GYPC: variants seen among roughly 807,000 people sequenced by gnomAD.
GYPC encodes the protein glycophorin-C.
GYPC carries 14 observed loss-of-function variants against 12.6 expected under a neutral mutation model. The ratio of observed to expected loss-of-function variants is 1.11; its 90% confidence interval spans 0.74 to 1.74. GYPC has a LOEUF of 1.74. Among genes scored for constraint, GYPC ranks in the 40% most tolerant of loss-of-function variants. GYPC has a pLI of 0.00. For synonymous variants in GYPC, 78 were observed against 62.1 expected, an observed-to-expected ratio of 1.26 and a Z score of -1.20; for missense variants, 225 against 172.1, an observed-to-expected ratio of 1.31 and a Z score of -1.72.
intron 1 of GYPC, chr2:126,680,479 C>T (rs1683123338): frequency 6.6e-6 from 1 of 152,172 alleles, no homozygotes; most frequent in South Asian, 2.1e-4. Context: ...CACTGGAGAC[C>T]CCTGAGAGGA....
intron 1 of GYPC, among the ~76,000 whole-genome samples, chr2:126,659,433 C>A (rs1438501739): frequency 6.6e-6 from 1 of 152,168 alleles, no homozygotes; most frequent in Non-Finnish European, 1.5e-5. Context: ...CCAATGTTCA[C>A]CAGCTTTGGG....
rs564854367 is a variant in GYPC, at chr2:126,659,406, C to T, written c.49+3094C>T. 1.1e-4 allele frequency among the ~76,000 whole-genome samples: 16 copies of T among 152,280 alleles called. No homozygotes were observed. In the South Asian group the frequency reaches 2.9e-3, roughly 28 times the overall value. ...CAACATCCGTGCTGTGGAGTCAGCC[C>T]TGGGTTTGACTGCCCTCCAATGTTC... On this transcript the variant is annotated intron_variant, in intron 1 of 3. Transcript: ENST00000259254.
intron 1 of GYPC, among the ~76,000 whole-genome samples, chr2:126,674,463 GA>G (rs11313735): frequency 0.76 from 114,922 of 151,780 alleles, 43,603 homozygotes; most frequent in African/African-American, 0.77. Flanking sequence ...AGTGGGGGGG[GA>G]ATACAGGCTC....
intron 2 of GYPC, among the ~76,000 whole-genome samples, chr2:126,692,547 G>A (rs375543437): frequency 6.6e-6 from 1 of 152,096 alleles, no homozygotes; most frequent in Non-Finnish European, 1.5e-5. Context: ...GGGAACGTGG[G>A]ATTTCCTATG....
intron 1 of GYPC, among the ~76,000 whole-genome samples, chr2:126,685,097 G>A (rs564566599): frequency 1.2e-4 from 18 of 152,276 alleles, no homozygotes; most frequent in African/African-American, 3.6e-4. Flanking sequence ...CGTCTTTTCC[G>A]GAAGCAATGA....
In GYPC at chr2:126,693,845, T is replaced by G. The variant is rs780498581; in HGVS notation, c.107-19T>G. 6.4e-7 allele frequency: 1 copy of G among 1,557,376 alleles called. No individual in the cohort carries two copies. Among genetic ancestry groups the G allele is most frequent in the Non-Finnish European group, 8.9e-7 (1 of 1,128,066 alleles). On this transcript the variant is annotated intron_variant, in intron 2 of 3. Transcript: ENST00000259254. ...AGAATCTTCCTCTCTGACCTCAGAT[T>G]CTTGTCCTCTGTTCACAGAGCCTGA...
At chr2:126,661,741 C>T (rs1682542523) in intron 1 of GYPC, among the ~76,000 whole-genome samples, 1 of 152,100 alleles carries the variant, frequency 6.6e-6, no homozygotes, top group East Asian at 1.9e-4. Flanking sequence ...CAGGCATGAG[C>T]CACTGTGCCC....
chr2:126,670,904 A>G (rs1682833941), intron 1 of GYPC, among the ~76,000 whole-genome samples: 1 of 152,132 alleles, frequency 6.6e-6, no homozygotes, highest in Admixed American at 6.5e-5. Flanking sequence ...GCAGCATTGA[A>G]TCTTTGCCAT....
intron 2 of GYPC, among the ~76,000 whole-genome samples, chr2:126,691,046 T>A (rs1361380315): frequency 6.6e-6 from 1 of 152,054 alleles, no homozygotes; most frequent in Non-Finnish European, 1.5e-5. Flanking sequence ...TGAGCTTTTA[T>A]TCTTCCTAGG....
intron 3 of GYPC, among the ~76,000 whole-genome samples, chr2:126,695,164 G>C (rs917921083): frequency 6.6e-6 from 1 of 152,156 alleles, no homozygotes; most frequent in African/African-American, 2.4e-5. Context: ...CCTTCCCCAA[G>C]CACAGTTAAT....
chr2:126,666,559 C>T (rs1048171155), intron 1 of GYPC, among the ~76,000 whole-genome samples: 1 of 152,176 alleles, frequency 6.6e-6, no homozygotes, highest in Admixed American at 6.5e-5. Flanking sequence ...GACCAGTCCT[C>T]GGTCCCTGTC....
intron 1 of GYPC, among the ~76,000 whole-genome samples, chr2:126,665,023 G>T (rs1317874204): frequency 2.0e-5 from 3 of 151,256 alleles, no homozygotes; most frequent in Non-Finnish European, 4.4e-5. Flanking sequence ...TACTCTTTTG[G>T]CCTTTTAAGT....
chr2:126,678,485 A>T (rs1573567989), intron 1 of GYPC: 1 of 152,200 alleles, frequency 6.6e-6, no homozygotes, highest in Non-Finnish European at 1.5e-5. Flanking sequence ...GCTCATACAG[A>T]GCCAGTGTGC....
intron 2 of GYPC, among the ~76,000 whole-genome samples, chr2:126,690,832 C>T (rs1389246574): frequency 1.3e-5 from 2 of 152,226 alleles, no homozygotes; most frequent in African/African-American, 2.4e-5. Flanking sequence ...ATGGCTGTGA[C>T]TGCAAACTGT....
Position 126,696,284 on chromosome 2 carries a change from T to C in GYPC, c.*142T>C, listed in dbSNP as rs1683643098. 2 of 726,892 alleles carry C rather than the reference T, an allele frequency of 2.8e-6. No individual in the cohort carries two copies. Among genetic ancestry groups the C allele is most frequent in the Non-Finnish European group, 4.9e-6 (2 of 407,348 alleles). 45.0% of individuals were successfully genotyped at this position (726,892 alleles called of 1,614,324 possible). Reference sequence around the variant, plus strand: ...TCCCGAGATAGCCACCTGGAAACACTAGGTGCCTGCCCAGGGAGGAACGGA... The same window carrying C: ...TCCCGAGATAGCCACCTGGAAACACCAGGTGCCTGCCCAGGGAGGAACGGA... On this transcript the variant is annotated 3_prime_UTR_variant, in exon 4 of 4. Coordinates refer to ENST00000259254, the MANE Select transcript of GYPC (RefSeq NM_002101.5).
Position 126,696,430 on chromosome 2 carries a change from G to A in GYPC, c.*288G>A. ...CTGGGCACATGGGGCCCCCTGGGCA[G>A]TGCAGGACAACATCAGCTCACTGGC... On this transcript the variant is annotated 3_prime_UTR_variant, in exon 4 of 4. Coordinates refer to ENST00000259254, the MANE Select transcript of GYPC (RefSeq NM_002101.5). The A allele has an allele frequency of 2.3e-6, 1 of 436,124 alleles. No individual in the cohort carries two copies. The highest frequency in any genetic ancestry group is 4.3e-6 in the Non-Finnish European group (1 of 232,984). 27.0% of individuals were successfully genotyped at this position (436,124 alleles called of 1,614,324 possible).
chr2:126,679,298 C>T (rs954553471), intron 1 of GYPC, among the ~76,000 whole-genome samples: 5 of 151,268 alleles, frequency 3.3e-5, no homozygotes, highest in African/African-American at 1.2e-4. Context: ...ACCTCTGTGT[C>T]TCCAGGACTC....
chr2:126,668,804 A>G (rs1682757447), intron 1 of GYPC, among the ~76,000 whole-genome samples: 1 of 152,220 alleles, frequency 6.6e-6, no homozygotes, highest in African/African-American at 2.4e-5. Context: ...GAGGGGACAA[A>G]GGTGTGAGAT....
intron 3 of GYPC, among the ~76,000 whole-genome samples, chr2:126,695,192 C>T (rs1001064780): frequency 6.6e-6 from 1 of 152,144 alleles, no homozygotes; most frequent in Non-Finnish European, 1.5e-5. Flanking sequence ...TCTTTTTTCC[C>T]CCTGTATAGT....
Sources: allele counts gnomAD v4.1 joint callset (sites outside exome capture counted in the v4.1 genomes callset), GRCh38; gene constraint gnomAD v4.1.1; transcripts MANE v1.5; gene names NCBI Gene and HGNC (gene_info 2026-07-23, HGNC 2026-07-21).